Variants in ALKBH8 observed in about 807,000 individuals in gnomAD.
ALKBH8 encodes alkB homolog 8, tRNA methyltransferase, also known as tRNA (carboxymethyluridine(34)-5-O)-methyltransferase ALKBH8.
A neutral mutation model predicts 59.8 loss-of-function variants in ALKBH8; 36 were observed. The observed-to-expected ratio is 0.60, with a 90% confidence interval of 0.46 to 0.79. The LOEUF is 0.79. Ranked by LOEUF, ALKBH8 falls within the 30% of genes least tolerant of loss-of-function variation. The probability of loss-of-function intolerance (pLI) is 0.00; values close to 1 mark genes in which losing one functional copy is unlikely to be tolerated. For synonymous variants in ALKBH8, 276 were observed against 273.6 expected (o/e 1.01, Z -0.09); for missense variants, 768 against 801.0 (o/e 0.96, Z 0.50).
At position 107,504,305 on chromosome 11, in the gene ALKBH8, A is replaced by T. The variant is rs1379631381; in HGVS notation, c.*353T>A. On this transcript the variant is annotated 3_prime_UTR_variant, in exon 12 of 12. Coordinates refer to ENST00000428149, the MANE Select transcript of ALKBH8 (RefSeq NM_138775.3). ...ATTTTCTGTATTAACATATAATTAC[A>T]TCCCTAAAATCCTACATGATTTACT... is the stretch of plus-strand genomic sequence containing the variant. 1.9e-6 allele frequency: 1 copy of T among 535,934 alleles called. No individual in the cohort carries two copies. The allele number at this position is 535,934 out of a possible 1,614,324, so 33.2% of individuals were successfully genotyped here. A position where few individuals can be genotyped will look rare whatever the true frequency, so the allele number is the denominator to read the frequency against.
Position 107,565,735 on chromosome 11 carries a change from T to C in ALKBH8, c.-141A>G. On this transcript the variant is annotated 5_prime_UTR_variant, in exon 1 of 12. Coordinates refer to ENST00000428149, the MANE Select transcript of ALKBH8 (RefSeq NM_138775.3). ...TGGGCGCGGCCATGTTGGAGAAAAC[T>C]GCACTACATTTCCCATGAGCCCGCG... The C allele has an allele frequency of 6.9e-7, 1 of 1,450,414 alleles. No homozygotes were observed. Among genetic ancestry groups the C allele is most frequent in the Non-Finnish European group, 9.4e-7 (1 of 1,069,142 alleles). 89.8% of individuals were successfully genotyped at this position (1,450,414 alleles called of 1,614,324 possible).
intron 6 of ALKBH8, among the ~76,000 whole-genome samples, chr11:107,550,078 AC>A (rs1378790440): frequency 6.6e-6 from 1 of 152,238 alleles, no homozygotes; most frequent in Non-Finnish European, 1.5e-5. Flanking sequence ...TCACTGATTA[AC>A]TAGGACACTT....
At chr11:107,527,531 G>A (rs1285865909) in intron 8 of ALKBH8, among the ~76,000 whole-genome samples, 1 of 151,902 alleles carries the variant, frequency 6.6e-6, no homozygotes, top group Non-Finnish European at 1.5e-5. Context: ...GTAAGAAACA[G>A]AATTCTCAGG....
chr11:107,553,607 G>T (rs922890378), intron 4 of ALKBH8, among the ~76,000 whole-genome samples: 5 of 151,998 alleles, frequency 3.3e-5, no homozygotes, highest in Admixed American at 2.0e-4. Flanking sequence ...AAGTGAAAAG[G>T]CTTATAAAAG....
chr11:107,538,221 AT>A (rs1197641510), intron 7 of ALKBH8, among the ~76,000 whole-genome samples: 3 of 151,558 alleles, frequency 2.0e-5, no homozygotes, highest in African/African-American at 4.8e-5. Context: ...TTGACAGTAT[AT>A]TTTTTTAAAT....
At chr11:107,548,631 C>G (rs996645672) in intron 7 of ALKBH8, among the ~76,000 whole-genome samples, 19 of 152,104 alleles carry the variant, frequency 1.2e-4, no homozygotes, top group Non-Finnish European at 2.2e-4. Flanking sequence ...TATCAAACAC[C>G]ACTAATTGTC....
chr11:107,550,429 C>G (rs1357391238), intron 6 of ALKBH8, among the ~76,000 whole-genome samples: 1 of 152,234 alleles, frequency 6.6e-6, no homozygotes, highest in Non-Finnish European at 1.5e-5. Flanking sequence ...GTCAAGCTTA[C>G]TTGGCTCAGC....
intron 10 of ALKBH8, among the ~76,000 whole-genome samples, chr11:107,518,282 T>C (rs951897807): frequency 6.6e-6 from 1 of 152,204 alleles, no homozygotes; most frequent in Non-Finnish European, 1.5e-5. Context: ...TTCTAAATGA[T>C]AGTTATTTAT....
rs1863149673 is a variant in ALKBH8, at chr11:107,522,349, T to C, written c.1237A>G (p.Ile413Val). The change falls in exon 10 of 12, where the codon ATT (isoleucine) becomes GTT (valine). Residue 413 changes from isoleucine to valine, a missense_variant. By Grantham distance (29) the Ile-to-Val change is conservative (BLOSUM62 3). Transcript: ENST00000428149. ...ALPSGSIVAD[I>V]GCGNGKYLGI... ...AGATACTTTCCATTACCACATCCAA[T>C]ATCAGCCACTATTGAACCACTTGGC... 6.4e-7 allele frequency: 1 copy of C among 1,551,652 alleles called. No individual in the cohort carries two copies. Among genetic ancestry groups the C allele is most frequent in the Non-Finnish European group, 8.7e-7 (1 of 1,146,956 alleles).
chr11:107,522,700 C>T, intron 9 of ALKBH8, 145 bp from the exon 10 acceptor site: 1 of 1,024,056 alleles, frequency 9.8e-7, no homozygotes, highest in Non-Finnish European at 1.4e-6. Flanking sequence ...AAGTTCTTCC[C>T]TAATAAGTCT....
chr11:107,546,607 CCAG>C (rs1864267537), intron 7 of ALKBH8, among the ~76,000 whole-genome samples: 1 of 152,126 alleles, frequency 6.6e-6, no homozygotes, highest in Non-Finnish European at 1.5e-5. Context: ...ACTTTTGGAA[CCAG>C]CCTTCCTTGA....
chr11:107,504,926 G>A lies in ALKBH8; in HGVS notation c.1727C>T (p.Ser576Phe). Residue 576 changes from serine to phenylalanine, a missense_variant, in exon 12 of 12, where the codon TCC (serine) becomes TTC (phenylalanine). By Grantham distance (155) the Ser-to-Phe change is radical. Coordinates refer to ENST00000428149, the MANE Select transcript of ALKBH8 (RefSeq NM_138775.3). ...GGCNSRQVSN[S>F]KLPVHVNRTS... ...CCTGTTAACATGAACAGGCAGCTTG[G>A]AATTAGAAACTTGCCTTGAATTACA... 9 of 1,551,918 alleles carry A rather than the reference G, an allele frequency of 5.8e-6. No individual in the cohort carries two copies. The highest frequency in any genetic ancestry group is 1.7e-4 in the Middle Eastern group (1 of 5,996).
At chr11:107,528,552 G>A (rs1863447187) in intron 8 of ALKBH8, among the ~76,000 whole-genome samples, 1 of 152,168 alleles carries the variant, frequency 6.6e-6, no homozygotes, top group South Asian at 2.1e-4. Context: ...AGAGGAATAA[G>A]TATCTTGAAG....
intron 10 of ALKBH8, among the ~76,000 whole-genome samples, chr11:107,519,273 T>C (rs1029166540): frequency 2.0e-5 from 3 of 152,088 alleles, no homozygotes; most frequent in African/African-American, 4.8e-5. Context: ...GACTGGCTAA[T>C]TTTGTATTTT....
Position 107,522,324 on chromosome 11 carries a change from A to T in ALKBH8, c.1262T>A (p.Leu421His), listed in dbSNP as rs768513222. The T allele has an allele frequency of 1.9e-6, 3 of 1,551,680 alleles. No individual in the cohort carries two copies. The highest frequency in any genetic ancestry group is 2.6e-6 in the Non-Finnish European group (3 of 1,146,964). Reference protein sequence around the residue: ...ADIGCGNGKYLGINKELYMIG... With the variant: ...ADIGCGNGKYHGINKELYMIG... The stretch of plus-strand genomic sequence containing the variant: ...CATATATAACTCCTTATTGATGCCA[A>T]GATACTTTCCATTACCACATCCAAT... The change falls in exon 10 of 12, where the codon CTT (leucine) becomes CAT (histidine). Residue 421 changes from leucine (L) to histidine (H), a missense_variant. Leu to His is a moderately conservative substitution (Grantham distance 99, BLOSUM62 -3). Transcript: ENST00000428149.
rs760959742 is a variant in ALKBH8, at chr11:107,565,615, A to G, written c.-21T>C. On this transcript the variant is annotated 5_prime_UTR_variant, in exon 1 of 12. Transcript: ENST00000428149. ...GTGCCACACACCTCCGCTTCGGCTC[A>G]GGCCGGATTCTCACCATGCGTGTGC... is the stretch of plus-strand genomic sequence containing the variant. 6.5e-7 allele frequency: 1 copy of G among 1,535,716 alleles called. No homozygotes were observed. Among genetic ancestry groups the G allele is most frequent in the South Asian group, 1.2e-5 (1 of 84,060 alleles).
At chr11:107,530,573 C>T (rs920622599) in intron 8 of ALKBH8, among the ~76,000 whole-genome samples, 1 of 149,528 alleles carries the variant, frequency 6.7e-6, no homozygotes, top group African/African-American at 2.5e-5. Flanking sequence ...CCCTCTCTCC[C>T]CCATTTCCCC....
chr11:107,557,348 C>T (rs1176277650), intron 2 of ALKBH8, among the ~76,000 whole-genome samples: 1 of 152,126 alleles, frequency 6.6e-6, no homozygotes, highest in East Asian at 1.9e-4. Flanking sequence ...AGGACAGTTA[C>T]ATAACACTTG....
chr11:107,550,333 G>A (rs1177073140), intron 6 of ALKBH8, among the ~76,000 whole-genome samples: 1 of 152,216 alleles, frequency 6.6e-6, no homozygotes, highest in Non-Finnish European at 1.5e-5. Context: ...GAGGGTCCCT[G>A]TCCTCAAAGA....
Sources: allele counts gnomAD v4.1 joint callset (sites outside exome capture counted in the v4.1 genomes callset), GRCh38; gene constraint gnomAD v4.1.1; transcripts MANE v1.5; gene names NCBI Gene and HGNC (gene_info 2026-07-23, HGNC 2026-07-21).